The following PROM1 variants were observed in gnomAD, a reference collection of about 807,000 sequenced individuals.
PROM1 encodes prominin-1.
PROM1 carries 105 observed loss-of-function variants against 116.9 expected under a neutral mutation model. That is an observed-to-expected ratio of 0.90 (90% CI 0.77 to 1.06). The LOEUF (loss-of-function observed/expected upper bound fraction) is 1.06, where lower values mean the gene tolerates loss of function less well. PROM1 is among the 50% of genes least tolerant of loss of function. The probability of loss-of-function intolerance (pLI) is 0.00; values close to 1 mark genes in which losing one functional copy is unlikely to be tolerated. For synonymous variants in PROM1, 393 were observed against 387.0 expected (o/e 1.02, Z -0.18); for missense variants, 1,122 against 1,045.2 (o/e 1.07, Z -1.01).
Position 16,076,088 on chromosome 4 carries a change from C to T in PROM1, c.-182G>A, listed in dbSNP as rs953036287. On this transcript the variant is annotated 5_prime_UTR_variant, in exon 2 of 28. Coordinates refer to ENST00000447510, the MANE Select transcript of PROM1 (RefSeq NM_006017.3). Reference sequence around the variant, plus strand: ...GGCGAGGGATGCGGAAGAATGTTCTCCAAGGGGGTCATTCACTCAAGGCAC... The same window carrying T: ...GGCGAGGGATGCGGAAGAATGTTCTTCAAGGGGGTCATTCACTCAAGGCAC... The T allele has an allele frequency of 3.9e-6, 5 of 1,277,342 alleles. No individual in the cohort carries two copies. In the African/African-American group the frequency reaches 7.5e-5, roughly 19 times the overall value. The allele number at this position is 1,277,342 out of a possible 1,614,324, so 79.1% of individuals were successfully genotyped here.
At chr4:16,079,908 G>A (rs1487304808) in intron 1 of PROM1, 1 of 147,904 alleles carries the variant, frequency 6.8e-6, no homozygotes, top group East Asian at 2.0e-4. Context: ...CAGCTGCTGT[G>A]CAGGTCCCTG....
intron 15 of PROM1, among the ~76,000 whole-genome samples, chr4:15,995,837 C>T (rs1469173468): frequency 6.6e-6 from 1 of 152,198 alleles, no homozygotes; most frequent in African/African-American, 2.4e-5. Flanking sequence ...ACATTTCTGT[C>T]ACCTGTAAGT....
chr4:16,052,989 G>T (rs888188840), intron 2 of PROM1, among the ~76,000 whole-genome samples: 2 of 152,152 alleles, frequency 1.3e-5, no homozygotes, highest in African/African-American at 4.8e-5. Flanking sequence ...TGCCACAGAC[G>T]AAATATTTAA....
chr4:15,973,871 G>A (rs1715333196), intron 26 of PROM1, among the ~76,000 whole-genome samples: 1 of 152,158 alleles, frequency 6.6e-6, no homozygotes. Context: ...ATCTGCAAAA[G>A]ACAGACAACA....
chr4:15,999,354 C>G (rs965316372), intron 14 of PROM1, among the ~76,000 whole-genome samples: 7 of 151,922 alleles, frequency 4.6e-5, no homozygotes, highest in African/African-American at 1.7e-4. Context: ...ACCTGTAGTT[C>G]CAGCTACTCG....
intron 3 of PROM1, among the ~76,000 whole-genome samples, chr4:16,037,443 C>T (rs1734186403): frequency 6.6e-6 from 1 of 152,148 alleles, no homozygotes; most frequent in Non-Finnish European, 1.5e-5. Context: ...AGGCTTTCCT[C>T]TTCTGCATTT....
chr4:16,050,998 G>T (rs1210197752), intron 2 of PROM1, among the ~76,000 whole-genome samples: 1 of 152,218 alleles, frequency 6.6e-6, no homozygotes, highest in Non-Finnish European at 1.5e-5. Flanking sequence ...AAATAAAGTA[G>T]GTGTGCTGTG....
At chr4:16,073,849 T>C (rs924383460) in intron 2 of PROM1, among the ~76,000 whole-genome samples, 2 of 151,974 alleles carry the variant, frequency 1.3e-5, no homozygotes, top group Non-Finnish European at 2.9e-5. Context: ...ATCACCAGAA[T>C]GAAGACCTTA....
intron 16 of PROM1, among the ~76,000 whole-genome samples, chr4:15,993,751 C>A (rs1164424502): frequency 6.6e-6 from 1 of 152,182 alleles, no homozygotes; most frequent in Non-Finnish European, 1.5e-5. Context: ...GAGGCTCTTG[C>A]ATAATCCACT....
At chr4:16,007,749 G>A (rs1045149816) in intron 12 of PROM1, among the ~76,000 whole-genome samples, 16 of 152,302 alleles carry the variant, frequency 1.1e-4, no homozygotes, top group South Asian at 4.1e-4. Flanking sequence ...ATTCTTTCTC[G>A]TTTGTGAAGC....
intron 12 of PROM1, among the ~76,000 whole-genome samples, chr4:16,008,201 T>C (rs754709330): frequency 2.0e-5 from 3 of 152,262 alleles, no homozygotes; most frequent in East Asian, 1.9e-4. Context: ...TTGGGAGATA[T>C]AAAGGGTTGC....
intron 2 of PROM1, chr4:16,055,103 C>T: frequency 3.8e-6 from 1 of 261,200 alleles, no homozygotes; most frequent in Non-Finnish European, 7.8e-6. Flanking sequence ...CCAGTGCTGT[C>T]CACCTGTAGC....
At position 16,075,752 on chromosome 4, in the gene PROM1, A is replaced by G. The variant is rs778896066; in HGVS notation, c.155T>C (p.Ile52Thr). The G allele has an allele frequency of 4.5e-5, 72 of 1,613,728 alleles. 1 individual carries two copies. Among genetic ancestry groups the G allele is most frequent in the Non-Finnish European group, 4.2e-5 (49 of 1,179,870 alleles). ...ATGCACTAGTTCAAAGAGAATGCCA[A>G]TGGGTCCAGCTTTATGGGAGTCTTG... ...ETQDSHKAGP[I>T]GILFELVHIF... Residue 52 changes from isoleucine to threonine, a missense_variant, in exon 2 of 28, where the codon ATT (isoleucine) becomes ACT (threonine). Coordinates refer to ENST00000447510, the MANE Select transcript of PROM1 (RefSeq NM_006017.3).
At chr4:16,065,642 A>G (rs1003093755) in intron 2 of PROM1, among the ~76,000 whole-genome samples, 21 of 152,212 alleles carry the variant, frequency 1.4e-4, no homozygotes, top group Admixed American at 1.2e-3. Context: ...ACACATCTGC[A>G]GAAGTGAAAT....
chr4:16,033,585 T>TA, intron 4 of PROM1, 76 bp from the exon 5 acceptor site: 111 of 906,502 alleles, frequency 1.2e-4, no homozygotes, highest in Non-Finnish European at 1.5e-4. Context: ...TGTACAAAGT[T>TA]CTTTTTTTTT....
At chr4:16,064,839 G>C (rs1242319236) in intron 2 of PROM1, among the ~76,000 whole-genome samples, 2 of 118,946 alleles carry the variant, frequency 1.7e-5, no homozygotes, top group Non-Finnish European at 3.8e-5. Flanking sequence ...GTTGCAGTGA[G>C]CCGAGACTAC....
At chr4:16,030,769 G>A (rs986537952) in intron 5 of PROM1, among the ~76,000 whole-genome samples, 15 of 152,192 alleles carry the variant, frequency 9.9e-5, no homozygotes, top group Non-Finnish European at 2.1e-4. Flanking sequence ...GTAGTGGCTA[G>A]GCACGGTGGC....
chr4:16,011,709 A>C (rs1031717691), intron 11 of PROM1, among the ~76,000 whole-genome samples: 8 of 152,222 alleles, frequency 5.3e-5, no homozygotes, highest in African/African-American at 1.9e-4. Context: ...TTAGCACATC[A>C]AAGTCTGAAC....
At chr4:16,027,977 C>T (rs1446518789) in intron 5 of PROM1, among the ~76,000 whole-genome samples, 2 of 152,034 alleles carry the variant, frequency 1.3e-5, no homozygotes, top group Non-Finnish European at 2.9e-5. Flanking sequence ...TTCTACTAAT[C>T]GATAATAGAT....
Sources: gnomAD v4.1 joint callset for allele counts (sites outside exome capture counted in the v4.1 genomes callset) on GRCh38, gnomAD v4.1.1 for gene constraint, MANE v1.5 for transcripts, NCBI Gene and HGNC (gene_info 2026-07-23, HGNC 2026-07-21) for gene names.